Variants in PHKB observed in about 807,000 individuals in gnomAD.
The protein encoded by PHKB is phosphorylase b kinase regulatory subunit beta.
Under a neutral mutation model 152.1 loss-of-function variants are expected in PHKB, and 122 were observed. The ratio of observed to expected loss-of-function variants is 0.80; its 90% CI spans 0.69 to 0.93. PHKB has a LOEUF of 0.93. PHKB is among the 40% of genes least tolerant of loss of function. PHKB has a pLI of 0.00. For missense variants in PHKB, 1,304 were observed against 1,328.4 expected (o/e 0.98, Z 0.29); for synonymous variants, 436 against 464.9 (o/e 0.94, Z 0.80).
chr16:47,577,451 T>A (rs949191473), intron 7 of PHKB, among the ~76,000 whole-genome samples: 2 of 152,190 alleles, frequency 1.3e-5, no homozygotes, highest in African/African-American at 4.8e-5. Context: ...ATGTTTTTTG[T>A]TTCTTTTTGG....
rs886052020 is a variant in PHKB at position 47,499,828 on chromosome 16, A to G, written c.239A>G (p.Gln80Arg). 6 of 1,614,080 alleles carry G rather than the reference A, an allele frequency of 3.7e-6. No individual in the cohort carries two copies. Among genetic ancestry groups the G allele is most frequent in the Non-Finnish European group, 4.2e-6 (5 of 1,180,026 alleles). The stretch of plus-strand genomic sequence containing the variant: ...CCCACTAAAACATGCGGTGGTGACC[A>G]GAAGGCCAAGATCCAGGACAGCCTA... ...LFPTKTCGGD[Q>R]KAKIQDSLYC... The change falls in exon 3 of 31, where the codon CAG becomes CGG. Residue 80 changes from glutamine to arginine, a missense_variant. Transcript: ENST00000323584.
chr16:47,513,354 G>A (rs1029834756), intron 5 of PHKB, among the ~76,000 whole-genome samples: 2 of 152,166 alleles, frequency 1.3e-5, no homozygotes, highest in African/African-American at 4.8e-5. Flanking sequence ...ACATATAGGG[G>A]AGCCTGGCAG....
At chr16:47,594,256 C>T (rs1446812541) in intron 12 of PHKB, 42 bp downstream of exon 12, 4 of 1,002,056 alleles carry the variant, frequency 4.0e-6, no homozygotes, top group East Asian at 4.8e-5. Context: ...CCAACATTTC[C>T]TGAATGTTTA....
chr16:47,565,278 G>A (rs1885140883), intron 7 of PHKB: 12 of 723,128 alleles, frequency 1.7e-5, no homozygotes, highest in Non-Finnish European at 2.6e-5. Flanking sequence ...CTGTCTCCTG[G>A]ACCATGGCTA....
chr16:47,643,752 G>A (rs1383791172), intron 16 of PHKB, among the ~76,000 whole-genome samples: 2 of 152,162 alleles, frequency 1.3e-5, no homozygotes, highest in African/African-American at 4.8e-5. Flanking sequence ...TTTCTTCTGA[G>A]AAGCCACTCC....
At chr16:47,622,623 A>G (rs1305654931) in intron 14 of PHKB, among the ~76,000 whole-genome samples, 2 of 152,222 alleles carry the variant, frequency 1.3e-5, no homozygotes, top group Admixed American at 6.5e-5. Context: ...GTGACACCCA[A>G]GCTTTGAATC....
At chr16:47,582,835 C>T (rs998147849) in intron 8 of PHKB, among the ~76,000 whole-genome samples, 5 of 152,176 alleles carry the variant, frequency 3.3e-5, no homozygotes, top group African/African-American at 9.7e-5. Flanking sequence ...TTGCTCTTGT[C>T]ACCCAGGCTG....
chr16:47,629,235 C>T (rs1313227672), intron 14 of PHKB, among the ~76,000 whole-genome samples: 1 of 152,024 alleles, frequency 6.6e-6, no homozygotes, highest in East Asian at 1.9e-4. Context: ...AGTGAACAGG[C>T]AACCTACAAA....
chr16:47,613,437 A>G (rs761310667), intron 14 of PHKB, among the ~76,000 whole-genome samples: 1 of 152,128 alleles, frequency 6.6e-6, no homozygotes, highest in African/African-American at 2.4e-5. Context: ...GTAGGCATGC[A>G]GCATCTCAAT....
chr16:47,677,407 A>T (rs1973752333), intron 26 of PHKB, among the ~76,000 whole-genome samples: 1 of 152,216 alleles, frequency 6.6e-6, no homozygotes. Flanking sequence ...AAAACGCCAT[A>T]CATGGAATGG....
chr16:47,643,920 T>C (rs1973069085), intron 16 of PHKB, among the ~76,000 whole-genome samples: 1 of 152,186 alleles, frequency 6.6e-6, no homozygotes, highest in East Asian at 1.9e-4. Flanking sequence ...GGGTAGTTTC[T>C]GCTCTATGTA....
chr16:47,665,639 C>A (rs186344382), intron 25 of PHKB: 17 of 440,188 alleles, frequency 3.9e-5, no homozygotes, highest in East Asian at 1.9e-4. Flanking sequence ...TACACCCTCC[C>A]TCCCTAATCA....
At chr16:47,541,759 A>AT (rs1355374428) in intron 6 of PHKB, among the ~76,000 whole-genome samples, 8 of 151,666 alleles carry the variant, frequency 5.3e-5, no homozygotes. Context: ...GATGATGAGC[A>AT]TTTTTTTTCA....
At chr16:47,566,251 C>G (rs1971564456) in intron 7 of PHKB, 1 of 849,680 alleles carries the variant, frequency 1.2e-6, no homozygotes, top group South Asian at 1.4e-5. Flanking sequence ...CTATCATCAC[C>G]TCTTCTAGGT....
In PHKB at chr16:47,696,292, C is replaced by G; in HGVS notation, c.2896-89C>G. On this transcript the variant is annotated intron_variant, in intron 28 of 30. Transcript: ENST00000323584. ...TCCAAGGTTTTATAAAAACTGAAAA[C>G]TATTAATGATTAGAAAATGAAATTC... 4 of 767,628 alleles carry G rather than the reference C, an allele frequency of 5.2e-6. No individual in the cohort carries two copies. In the Admixed American group the frequency reaches 7.5e-5, roughly 14 times the overall value. 47.6% of individuals were successfully genotyped at this position (767,628 alleles called of 1,614,324 possible).
chr16:47,621,670 A>G (rs963667529), intron 14 of PHKB, among the ~76,000 whole-genome samples: 1 of 152,200 alleles, frequency 6.6e-6, no homozygotes, highest in Non-Finnish European at 1.5e-5. Flanking sequence ...ATGGGAGTGA[A>G]TTTGAGTACT....
At chr16:47,630,881 TCCAG>T (rs1165661945) in intron 14 of PHKB, among the ~76,000 whole-genome samples, 1 of 152,166 alleles carries the variant, frequency 6.6e-6, no homozygotes, top group Non-Finnish European at 1.5e-5. Context: ...GAGACTGCCT[TCCAG>T]CTGGGACATG....
intron 8 of PHKB, among the ~76,000 whole-genome samples, chr16:47,582,643 A>G (rs1308834471): frequency 6.6e-6 from 1 of 152,188 alleles, no homozygotes; most frequent in Non-Finnish European, 1.5e-5. Flanking sequence ...CTAATATACA[A>G]TCAAGGGCGA....
chr16:47,637,579 G>A (rs1456622914), intron 14 of PHKB, among the ~76,000 whole-genome samples: 1 of 152,194 alleles, frequency 6.6e-6, no homozygotes, highest in African/African-American at 2.4e-5. Context: ...TAGAGTGGAT[G>A]AGATTTGAGA....
Sources: gnomAD v4.1 joint callset for allele counts (sites outside exome capture counted in the v4.1 genomes callset) on GRCh38, gnomAD v4.1.1 for gene constraint, MANE v1.5 for transcripts, NCBI Gene and HGNC (gene_info 2026-07-23, HGNC 2026-07-21) for gene names.